GALNT13: variants seen among roughly 807,000 people sequenced by gnomAD.
The protein encoded by GALNT13 is UDP-GalNAc:polypeptide N-acetylgalactosaminyltransferase 13.
Under a neutral mutation model 64.2 loss-of-function variants are expected in GALNT13, and 28 were observed. The observed-to-expected ratio is 0.44, with a 90% CI of 0.32 to 0.60. The LOEUF is 0.60. Among genes scored for constraint, GALNT13 ranks in the 20% least tolerant of loss-of-function variants. GALNT13 has a pLI of 0.05. For missense variants in GALNT13, 577 were observed against 669.8 expected, an observed-to-expected ratio of 0.86 and a Z score of 1.53; for synonymous variants, 214 against 224.6, an observed-to-expected ratio of 0.95 and a Z score of 0.42.
At chr2:153,079,855 T>C in the GALNT13 span, among the ~76,000 whole-genome samples, 1 of 152,172 alleles carries the variant, frequency 6.6e-6, no homozygotes, top group Non-Finnish European at 1.5e-5. Context: ...TGCGCTGCGC[T>C]ATGGGCAAGG....
intron 8 of GALNT13, among the ~76,000 whole-genome samples, chr2:154,295,561 C>G (rs942346417): frequency 2.0e-5 from 3 of 151,684 alleles, no homozygotes; most frequent in Admixed American, 2.0e-4. Flanking sequence ...TTAGTAGAGA[C>G]GAGGTTTTAC....
At chr2:153,793,841 A>G in the GALNT13 span, among the ~76,000 whole-genome samples, 20 of 152,184 alleles carry the variant, frequency 1.3e-4, no homozygotes, top group Non-Finnish European at 7.4e-5. Context: ...TAATAATGCA[A>G]GCAAAATAGA....
intron 10 of GALNT13, among the ~76,000 whole-genome samples, chr2:154,404,726 C>T (rs1332750504): frequency 6.6e-6 from 1 of 152,040 alleles, no homozygotes; most frequent in Non-Finnish European, 1.5e-5. Context: ...TCAGAAGACA[C>T]TTTGGGGAAT....
chr2:154,115,686 G>T (rs767975791), intron 3 of GALNT13, among the ~76,000 whole-genome samples: 1 of 152,082 alleles, frequency 6.6e-6, no homozygotes, highest in Non-Finnish European at 1.5e-5. Context: ...CTCCCAAAGT[G>T]CTGGGATTAC....
intron 2 of GALNT13, among the ~76,000 whole-genome samples, chr2:153,914,693 C>T (rs66988046): frequency 0.055 from 8,353 of 151,884 alleles, 335 homozygotes; most frequent in South Asian, 0.11. Context: ...CTTTCTTATC[C>T]GATGATTTAT....
the GALNT13 span, among the ~76,000 whole-genome samples, chr2:153,507,684 A>G: frequency 0.09 from 13,646 of 152,142 alleles, 670 homozygotes; most frequent in Middle Eastern, 0.16. Flanking sequence ...CAGAGATTTC[A>G]TCTTGGTTTG....
chr2:153,873,091 C>T (rs541563438), intron 1 of GALNT13, among the ~76,000 whole-genome samples: 7 of 152,308 alleles, frequency 4.6e-5, no homozygotes, highest in South Asian at 2.1e-4. Context: ...CCTCTGTCAT[C>T]TCTCTGCCCC....
rs770611510 is a variant in GALNT13, at chr2:154,242,213, TG to T, written c.478+18del. The T allele has an allele frequency of 1.3e-6, 2 of 1,599,496 alleles. No homozygotes were observed. The highest frequency in any genetic ancestry group is 1.7e-6 in the Non-Finnish European group (2 of 1,174,626). ...GTGAAAGAGGTACAAACTGGTTTTT[TG>T]TTTTTGTTTTTGTTTTTTTGTTTTG... is the stretch of plus-strand genomic sequence containing the variant. On this transcript the variant is annotated intron_variant, in intron 5 of 12. Coordinates refer to ENST00000392825, the MANE Select transcript of GALNT13 (RefSeq NM_052917.4).
chr2:153,284,053 C>T, the GALNT13 span, among the ~76,000 whole-genome samples: 1 of 152,166 alleles, frequency 6.6e-6, no homozygotes, highest in Admixed American at 6.5e-5. Context: ...TGCTCTGATG[C>T]ACGATGATCT....
chr2:153,577,144 T>C, the GALNT13 span, among the ~76,000 whole-genome samples: 1 of 151,212 alleles, frequency 6.6e-6, no homozygotes, highest in South Asian at 2.1e-4. Context: ...TTTTCCCCTG[T>C]ACATTGTAGT....
chr2:153,347,966 A>G, the GALNT13 span, among the ~76,000 whole-genome samples: 2 of 152,118 alleles, frequency 1.3e-5, no homozygotes, highest in African/African-American at 4.8e-5. Context: ...TTTCCTGCCT[A>G]GCTTGTTAAT....
chr2:153,139,616 G>A, the GALNT13 span, among the ~76,000 whole-genome samples: 5 of 152,094 alleles, frequency 3.3e-5, no homozygotes, highest in South Asian at 1.0e-3. Flanking sequence ...GACAGTTCAA[G>A]CTCAGAGGAC....
At chr2:154,063,839 C>G (rs1166300801) in intron 3 of GALNT13, among the ~76,000 whole-genome samples, 1 of 152,036 alleles carries the variant, frequency 6.6e-6, no homozygotes, top group Non-Finnish European at 1.5e-5. Flanking sequence ...GCACAGAAGC[C>G]TCCACTGATT....
chr2:154,188,127 A>C (rs563453742), intron 4 of GALNT13, among the ~76,000 whole-genome samples: 2 of 152,078 alleles, frequency 1.3e-5, no homozygotes, highest in African/African-American at 4.8e-5. Flanking sequence ...TATGACCTCC[A>C]AGATTTCCAT....
At chr2:153,255,366 T>C in the GALNT13 span, among the ~76,000 whole-genome samples, 6 of 138,642 alleles carry the variant, frequency 4.3e-5, no homozygotes, top group African/African-American at 1.4e-4. Flanking sequence ...TGTGTGTCTC[T>C]GCACGTGAGA....
chr2:153,623,416 T>C, the GALNT13 span, among the ~76,000 whole-genome samples: 427 of 152,218 alleles, frequency 2.8e-3, 7 homozygotes, highest in Admixed American at 0.023. Flanking sequence ...GCACTTGGCA[T>C]CAAATCTTCT....
the GALNT13 span, among the ~76,000 whole-genome samples, chr2:153,110,834 C>A: frequency 1.3e-5 from 2 of 152,102 alleles, no homozygotes; most frequent in Admixed American, 1.3e-4. Flanking sequence ...GACTATCACA[C>A]ACACTGAATC....
chr2:153,496,875 T>C, the GALNT13 span, among the ~76,000 whole-genome samples: 1 of 151,144 alleles, frequency 6.6e-6, no homozygotes, highest in Admixed American at 6.6e-5. Context: ...ACGCCTGTAG[T>C]CCCAGCTACT....
chr2:153,361,158 A>AAAAC, the GALNT13 span, among the ~76,000 whole-genome samples: 2 of 152,208 alleles, frequency 1.3e-5, no homozygotes, highest in African/African-American at 4.8e-5. Flanking sequence ...CATTGAAAGA[A>AAAAC]AAACAAACAA....
Sources: allele counts gnomAD v4.1 joint callset (sites outside exome capture counted in the v4.1 genomes callset), GRCh38; gene constraint gnomAD v4.1.1; transcripts MANE v1.5; gene names NCBI Gene and HGNC (gene_info 2026-07-23, HGNC 2026-07-21).